Variants in TBC1D1 observed in about 807,000 individuals in gnomAD.
TBC1D1 encodes TBC1 (tre-2/USP6, BUB2, cdc16) domain family, member 1.
Under a neutral mutation model 125.6 loss-of-function variants are expected in TBC1D1, and 89 were observed. That is an observed-to-expected ratio of 0.71 (90% CI 0.60 to 0.85). The LOEUF (loss-of-function observed/expected upper bound fraction) is 0.85, where lower values mean the gene tolerates loss of function less well. Ranked by LOEUF, TBC1D1 falls within the 40% of genes least tolerant of loss-of-function variation. The pLI is 0.00. For synonymous variants in TBC1D1, 565 were observed against 564.1 expected, an observed-to-expected ratio of 1.00 and a Z score of -0.02; for missense variants, 1,377 against 1,469.2, an observed-to-expected ratio of 0.94 and a Z score of 1.03.
At chr4:38,050,732 C>T (rs1750368535) in intron 11 of TBC1D1, among the ~76,000 whole-genome samples, 2 of 152,208 alleles carry the variant, frequency 1.3e-5, no homozygotes, top group South Asian at 2.1e-4. Context: ...CCTATGTGTT[C>T]GTGTAGTTCA....
Position 37,936,302 on chromosome 4 carries a change from G to T in TBC1D1, c.417+33790G>T, listed in dbSNP as rs376441472. Among the ~76,000 whole-genome samples, 34 of 152,342 alleles carry T rather than the reference G, an allele frequency of 2.2e-4. 2 individuals are homozygous for T. In the East Asian group the frequency reaches 4.8e-3, roughly 22 times the overall value. On this transcript the variant is annotated intron_variant, in intron 2 of 19. Transcript: ENST00000261439. ...ATTATAACAATAGATTGTAATAAAA[G>T]TTATGTGAATGCAGTCTCCCTCTCT...
chr4:37,993,600 G>T (rs1737124685), intron 2 of TBC1D1, among the ~76,000 whole-genome samples: 1 of 151,846 alleles, frequency 6.6e-6, no homozygotes, highest in Non-Finnish European at 1.5e-5. Context: ...ATTTATTTTT[G>T]AGATGCAGTC....
intron 2 of TBC1D1, among the ~76,000 whole-genome samples, chr4:37,933,580 A>C (rs1367579431): frequency 6.6e-6 from 1 of 152,186 alleles, no homozygotes; most frequent in Non-Finnish European, 1.5e-5. Flanking sequence ...GAGTTTCACC[A>C]TTTGTAAACT....
intron 13 of TBC1D1, among the ~76,000 whole-genome samples, chr4:38,095,426 G>A (rs1759158047): frequency 6.6e-6 from 1 of 152,192 alleles, no homozygotes; most frequent in Non-Finnish European, 1.5e-5. Flanking sequence ...TCATTTGAAA[G>A]GGGTAGATTT....
chr4:37,988,662 A>G (rs1735932017), intron 2 of TBC1D1, among the ~76,000 whole-genome samples: 1 of 152,196 alleles, frequency 6.6e-6, no homozygotes, highest in Admixed American at 6.5e-5. Context: ...ACTATAGGTG[A>G]GATGTCTTTC....
intron 12 of TBC1D1, among the ~76,000 whole-genome samples, chr4:38,060,126 T>G (rs994812356): frequency 1.3e-5 from 2 of 152,242 alleles, no homozygotes; most frequent in African/African-American, 4.8e-5. Context: ...AGTCTATCAT[T>G]GATGGGCATT....
chr4:38,064,626 C>CTTT (rs71190945), intron 12 of TBC1D1, among the ~76,000 whole-genome samples: 1 of 138,258 alleles, frequency 7.2e-6, no homozygotes. Context: ...AGCTACATTT[C>CTTT]TTTTTTTTTT....
intron 12 of TBC1D1, among the ~76,000 whole-genome samples, chr4:38,067,570 T>G (rs538380543): frequency 1.8e-3 from 274 of 152,318 alleles, no homozygotes; most frequent in African/African-American, 6.3e-3. Context: ...GGATTCAGAT[T>G]GCAGGTTGTA....
At chr4:37,905,329 G>T (rs577834996) in intron 2 of TBC1D1, among the ~76,000 whole-genome samples, 1 of 152,330 alleles carries the variant, frequency 6.6e-6, no homozygotes, top group South Asian at 2.1e-4. Context: ...CAGCCATTGA[G>T]TCGGTCTCTA....
chr4:38,037,030 C>T (rs1013989690), intron 8 of TBC1D1, among the ~76,000 whole-genome samples: 2 of 151,982 alleles, frequency 1.3e-5, no homozygotes, highest in Non-Finnish European at 2.9e-5. Flanking sequence ...TTTCCCTGTT[C>T]TGATTTTCTT....
intron 2 of TBC1D1, among the ~76,000 whole-genome samples, chr4:38,008,736 T>C (rs1393537736): frequency 6.6e-6 from 1 of 152,206 alleles, no homozygotes; most frequent in African/African-American, 2.4e-5. Context: ...GAAGCAGGCA[T>C]TGAGGCATTA....
chr4:37,993,630 G>A (rs1352159296), intron 2 of TBC1D1, among the ~76,000 whole-genome samples: 2 of 152,144 alleles, frequency 1.3e-5, no homozygotes, highest in Admixed American at 6.5e-5. Context: ...TGCCCAGGCT[G>A]GAATGCAGTG....
chr4:37,967,030 C>T (rs1335485778), intron 2 of TBC1D1, among the ~76,000 whole-genome samples: 1 of 152,180 alleles, frequency 6.6e-6, no homozygotes, highest in Non-Finnish European at 1.5e-5. Context: ...TTGTTTTGTG[C>T]ATTTCTGCAG....
intron 5 of TBC1D1, 68 bp downstream of exon 5, chr4:38,020,763 TC>T: frequency 7.1e-7 from 1 of 1,406,990 alleles, no homozygotes; most frequent in African/African-American, 1.4e-5. Flanking sequence ...CACTGATTTT[TC>T]TGTCCTTAGG....
intron 7 of TBC1D1, among the ~76,000 whole-genome samples, chr4:38,031,225 A>G (rs896446721): frequency 2.6e-5 from 4 of 152,228 alleles, no homozygotes; most frequent in African/African-American, 7.2e-5. Context: ...CTCCTAATCT[A>G]TATGAGTGTG....
intron 2 of TBC1D1, among the ~76,000 whole-genome samples, chr4:37,948,132 A>T (rs759100400): frequency 2.0e-5 from 3 of 152,212 alleles, no homozygotes; most frequent in African/African-American, 4.8e-5. Flanking sequence ...TAGGAAAAAG[A>T]GTGTGAAGAC....
At chr4:37,899,654 T>C (rs916700481) in intron 1 of TBC1D1, among the ~76,000 whole-genome samples, 1 of 152,170 alleles carries the variant, frequency 6.6e-6, no homozygotes, top group African/African-American at 2.4e-5. Context: ...GCTGCTGTCA[T>C]CAGCAGCAGG....
chr4:38,130,839 T>C (rs1765469591), intron 18 of TBC1D1, among the ~76,000 whole-genome samples: 1 of 152,218 alleles, frequency 6.6e-6, no homozygotes, highest in Admixed American at 6.5e-5. Flanking sequence ...TACCAAAGGA[T>C]TGGGTTTTTA....
intron 11 of TBC1D1, among the ~76,000 whole-genome samples, chr4:38,052,673 C>T (rs1247419563): frequency 1.3e-5 from 2 of 151,494 alleles, no homozygotes; most frequent in Admixed American, 1.3e-4. Context: ...CATTTCCTTG[C>T]CCTAGTGGAC....
Sources: gnomAD v4.1 joint callset for allele counts (sites outside exome capture counted in the v4.1 genomes callset) on GRCh38, gnomAD v4.1.1 for gene constraint, MANE v1.5 for transcripts, NCBI Gene and HGNC (gene_info 2026-07-23, HGNC 2026-07-21) for gene names.